CNTNAP5: variants seen among roughly 807,000 people sequenced by gnomAD.
CNTNAP5 encodes the protein contactin-associated protein-like 5.
In CNTNAP5, 72 loss-of-function variants were observed where a neutral mutation model predicts 150.2. The observed-to-expected ratio is 0.48, with a 90% CI of 0.40 to 0.58. The LOEUF is 0.58. Ranked by LOEUF, CNTNAP5 falls within the 20% of genes least tolerant of loss-of-function variation. The pLI is 0.00. For missense variants in CNTNAP5, 1,636 were observed against 1,626.2 expected (o/e 1.01, Z -0.10); for synonymous variants, 672 against 619.8 (o/e 1.08, Z -1.25).
intron 21 of CNTNAP5, among the ~76,000 whole-genome samples, chr2:124,872,426 G>A (rs570121847): frequency 2.1e-3 from 321 of 150,036 alleles, no homozygotes; most frequent in African/African-American, 7.4e-3. Context: ...GCGTGCATGT[G>A]CGTTTGTTCA....
At chr2:124,684,612 T>G (rs564612647) in intron 13 of CNTNAP5, among the ~76,000 whole-genome samples, 199 of 152,284 alleles carry the variant, frequency 1.3e-3, no homozygotes, top group Non-Finnish European at 2.0e-3. Flanking sequence ...TGTGTGACCT[T>G]GGAAGGTTTT....
intron 19 of CNTNAP5, among the ~76,000 whole-genome samples, chr2:124,833,458 T>C (rs1190261856): frequency 1.3e-5 from 2 of 152,178 alleles, no homozygotes; most frequent in East Asian, 3.9e-4. Flanking sequence ...ATGGGTTTCT[T>C]CTGGGACACC....
At position 124,648,928 on chromosome 2, in the gene CNTNAP5, TC is replaced by T. The variant is rs200699452; in HGVS notation, c.2077+971del. Among the ~76,000 whole-genome samples, 387 of 152,236 alleles carry T rather than the reference TC, an allele frequency of 2.5e-3. 4 individuals are homozygous for T. Among genetic ancestry groups the T allele is most frequent in the African/African-American group, 9.1e-3 (377 of 41,560 alleles). On this transcript the variant is annotated intron_variant, in intron 13 of 23. Transcript: ENST00000682447. ...TGGGGAAAAAATGGAGAATAAAATATCAACAAAGGGGAAATCATAGAAACCT... is the reference window on the plus strand; with the variant it reads ...TGGGGAAAAAATGGAGAATAAAATATAACAAAGGGGAAATCATAGAAACCT...
chr2:124,883,702 G>A (rs1050729957), intron 21 of CNTNAP5, among the ~76,000 whole-genome samples: 2 of 152,000 alleles, frequency 1.3e-5, no homozygotes, highest in Non-Finnish European at 2.9e-5. Context: ...ACACATATTG[G>A]TACATGTACA....
At chr2:124,434,437 T>G in intron 4 of CNTNAP5, 47 bp from the exon 5 acceptor site, 1 of 1,386,018 alleles carries the variant, frequency 7.2e-7, no homozygotes, top group Non-Finnish European at 1.0e-6. Context: ...ACAGCAGTCA[T>G]GAGAATATGC....
intron 5 of CNTNAP5, among the ~76,000 whole-genome samples, chr2:124,438,366 A>G (rs999546184): frequency 2.6e-5 from 4 of 152,174 alleles, no homozygotes; most frequent in African/African-American, 9.7e-5. Flanking sequence ...GCAGGTAGAG[A>G]ATCAAAGAGC....
At chr2:124,358,109 G>A (rs1007115143) in intron 3 of CNTNAP5, among the ~76,000 whole-genome samples, 1 of 152,146 alleles carries the variant, frequency 6.6e-6, no homozygotes, top group African/African-American at 2.4e-5. Context: ...CTCTCTGTCT[G>A]TTGTTGGTGT....
At chr2:124,166,738 A>G (rs1285202451) in intron 1 of CNTNAP5, among the ~76,000 whole-genome samples, 2 of 152,150 alleles carry the variant, frequency 1.3e-5, no homozygotes, top group Admixed American at 6.6e-5. Flanking sequence ...AAATCAGACA[A>G]TTAGGCTTTA....
Position 124,860,497 on chromosome 2 carries a change from TTCC to T in CNTNAP5, c.3218-4807_3218-4805del, listed in dbSNP as rs1558803944. Among the ~76,000 whole-genome samples the T allele has an allele frequency of 9.7e-4, 86 of 88,392 alleles. 1 individual carries two copies. The highest frequency in any genetic ancestry group is 2.7e-3 in the Admixed American group (22 of 8,220). The allele number at this position is 88,392 out of a possible 152,430, so 58.0% of individuals were successfully genotyped here. A position where few individuals can be genotyped will look rare whatever the true frequency, so the allele number is the denominator to read the frequency against. ...CTTCCTTCCTTCCTTCCTTCCTTCC[TTCC>T]TTCTTTCCTTCCTTCCTTCCTTCCT... On this transcript the variant is annotated intron_variant, in intron 19 of 23. Transcript: ENST00000682447.
intron 8 of CNTNAP5, among the ~76,000 whole-genome samples, chr2:124,514,375 A>G (rs1366964528): frequency 4.6e-5 from 7 of 152,318 alleles, no homozygotes; most frequent in Middle Eastern, 3.4e-3. Flanking sequence ...GAGGAATTGC[A>G]GGAGATAGAA....
chr2:124,884,024 T>C (rs1678027072), intron 21 of CNTNAP5, among the ~76,000 whole-genome samples: 1 of 152,156 alleles, frequency 6.6e-6, no homozygotes, highest in South Asian at 2.1e-4. Flanking sequence ...TGCATATGTG[T>C]ATGCATGTGT....
At chr2:124,478,815 G>A (rs1327102034) in intron 7 of CNTNAP5, among the ~76,000 whole-genome samples, 4 of 152,148 alleles carry the variant, frequency 2.6e-5, no homozygotes, top group African/African-American at 9.7e-5. Flanking sequence ...AGATTCAAGG[G>A]ATCAACAAAT....
chr2:124,061,684 AG>A (rs1420100790), intron 1 of CNTNAP5, among the ~76,000 whole-genome samples: 1 of 152,242 alleles, frequency 6.6e-6, no homozygotes, highest in African/African-American at 2.4e-5. Flanking sequence ...AGAAAAAAAT[AG>A]CACAGTTAAA....
At position 124,552,336 on chromosome 2, in the gene CNTNAP5, C is replaced by T. The variant is rs907306709; in HGVS notation, c.1650-10881C>T. Among the ~76,000 whole-genome samples the T allele has an allele frequency of 3.9e-4, 59 of 152,170 alleles. 1 individual carries two copies. Among genetic ancestry groups the T allele is most frequent in the Admixed American group, 3.2e-3 (49 of 15,278 alleles). Reference sequence around the variant, plus strand: ...GACCCCACTACACCCCTCGTGAGTACTATGACAGCTGCATCCAGGCAGTGA... The same window carrying T: ...GACCCCACTACACCCCTCGTGAGTATTATGACAGCTGCATCCAGGCAGTGA... On this transcript the variant is annotated intron_variant, in intron 10 of 23. Transcript: ENST00000682447.
intron 13 of CNTNAP5, among the ~76,000 whole-genome samples, chr2:124,697,755 T>C (rs754405989): frequency 6.6e-6 from 1 of 152,210 alleles, no homozygotes; most frequent in African/African-American, 2.4e-5. Flanking sequence ...CTTCATCATC[T>C]GTTAATATCC....
chr2:124,112,572 A>C (rs1683323271), intron 1 of CNTNAP5, among the ~76,000 whole-genome samples: 1 of 152,170 alleles, frequency 6.6e-6, no homozygotes, highest in Admixed American at 6.6e-5. Context: ...TCTTTATAAA[A>C]TTTTGTGCTC....
chr2:124,256,380 G>A (rs960248478), intron 3 of CNTNAP5, among the ~76,000 whole-genome samples: 11 of 152,078 alleles, frequency 7.2e-5, no homozygotes, highest in Admixed American at 1.3e-4. Context: ...AAATTCAGGA[G>A]AGGGCTGGCA....
Position 124,442,969 on chromosome 2 carries a change from G to A in CNTNAP5, c.734-3784G>A, listed in dbSNP as rs182550606. Among the ~76,000 whole-genome samples the A allele has an allele frequency of 8.3e-4, 127 of 152,192 alleles. 2 individuals carry two copies. In the East Asian group the frequency reaches 0.011, roughly 14 times the overall value. ...ATGTTGTTGGCAAGCCTGTGGTAAA[G>A]GCACTCCTAGGCATTTAAATAGTCA... On this transcript the variant is annotated intron_variant, in intron 5 of 23. Transcript: ENST00000682447.
intron 1 of CNTNAP5, among the ~76,000 whole-genome samples, 187 bp downstream of exon 1, chr2:124,025,919 G>T (rs548543972): frequency 2.0e-5 from 3 of 152,158 alleles, no homozygotes. Flanking sequence ...TGAGCCAACC[G>T]TGCTGGATTT....
Sources: gnomAD v4.1 joint callset for allele counts (sites outside exome capture counted in the v4.1 genomes callset) on GRCh38, gnomAD v4.1.1 for gene constraint, MANE v1.5 for transcripts, NCBI Gene and HGNC (gene_info 2026-07-23, HGNC 2026-07-21) for gene names.